The following LMX1A variants were observed in gnomAD, a reference collection of about 807,000 sequenced individuals.
The protein encoded by LMX1A is LIM homeobox transcription factor 1 alpha, also known as LIM homeobox transcription factor 1-alpha.
Under a neutral mutation model 49.1 loss-of-function variants are expected in LMX1A, and 15 were observed. The observed-to-expected ratio is 0.31, with a 90% CI of 0.20 to 0.47. The LOEUF is 0.47. Ranked by LOEUF, LMX1A falls within the 20% of genes least tolerant of loss-of-function variation. The pLI is 1.00. For missense variants in LMX1A, 372 were observed against 475.8 expected, an observed-to-expected ratio of 0.78 and a Z score of 2.03; for synonymous variants, 167 against 185.7, an observed-to-expected ratio of 0.90 and a Z score of 0.82.
At chr1:165,261,716 G>GA in intron 3 of LMX1A, among the ~76,000 whole-genome samples, 1 of 152,244 alleles carries the variant, frequency 6.6e-6, no homozygotes, top group African/African-American at 2.4e-5. Flanking sequence ...TAAAAAGGAA[G>GA]AAAATTCTAA....
chr1:165,339,534 A>G (rs1406341058), intron 3 of LMX1A, among the ~76,000 whole-genome samples: 1 of 152,186 alleles, frequency 6.6e-6, no homozygotes, highest in Admixed American at 6.5e-5. Context: ...TGGTATCTGA[A>G]GAAGAAGGAA....
At chr1:165,283,037 C>T (rs183346701) in intron 3 of LMX1A, among the ~76,000 whole-genome samples, 57 of 152,320 alleles carry the variant, frequency 3.7e-4, no homozygotes, top group Middle Eastern at 3.4e-3. Flanking sequence ...TCAGCTCCAG[C>T]GCACTGATTT....
At position 165,355,223 on chromosome 1, in the gene LMX1A, C is replaced by A. The variant is rs947276319; in HGVS notation, c.76+261G>T. 6.6e-6 allele frequency among the ~76,000 whole-genome samples: 1 copy of A among 152,094 alleles called. No individual in the cohort carries two copies. Among genetic ancestry groups the A allele is most frequent in the African/African-American group, 2.4e-5 (1 of 41,404 alleles). ...TATTTTTAATCACTTGCCACTCAGA[C>A]GCCTACGAACAAGCTCGCCCGCCCC... On this transcript the variant is annotated intron_variant, in intron 2 of 8. Coordinates refer to ENST00000342310, the MANE Select transcript of LMX1A (RefSeq NM_177398.4). The surrounding 1 kb of genome is among the most constrained non-coding windows in gnomAD (Gnocchi z 4.7).
intron 3 of LMX1A, among the ~76,000 whole-genome samples, chr1:165,279,959 G>GT (rs557377255): frequency 3.3e-5 from 5 of 151,828 alleles, no homozygotes; most frequent in South Asian, 2.1e-4. Context: ...AAATATGAGT[G>GT]TTTTTTTGGC....
chr1:165,303,612 C>CCTCCA lies in LMX1A; in HGVS notation c.263+49463_263+49464insTGGAG, dbSNP rs1451238887. ...CCCAATGACTTGTTCCTCCAGACAT[C>CCTCCA]GCCTACGCCTGCAGTCAGTTATCCT... On this transcript the variant is annotated intron_variant, in intron 3 of 8. Transcript: ENST00000342310. Among the ~76,000 whole-genome samples the CCTCCA allele has an allele frequency of 6.6e-5, 10 of 152,308 alleles. 1 individual carries two copies. In the South Asian group the frequency reaches 1.9e-3, roughly 28 times the overall value.
intron 3 of LMX1A, among the ~76,000 whole-genome samples, chr1:165,320,569 T>C (rs1191760273): frequency 6.6e-6 from 1 of 152,182 alleles, no homozygotes; most frequent in East Asian, 1.9e-4. Context: ...AGTACTCTAG[T>C]AGGGGGCTCC....
intron 3 of LMX1A, among the ~76,000 whole-genome samples, chr1:165,350,173 C>CAAAAAAAAA (rs60150264): frequency 1.2e-5 from 1 of 80,210 alleles, no homozygotes; most frequent in Non-Finnish European, 2.3e-5. Flanking sequence ...AAAGATCCAC[C>CAAAAAAAAA]AAAAAAAAAA....
chr1:165,231,071 T>G (rs893750691), intron 4 of LMX1A, among the ~76,000 whole-genome samples: 5 of 151,572 alleles, frequency 3.3e-5, no homozygotes, highest in Admixed American at 6.6e-5. Flanking sequence ...CTTGTAGAAA[T>G]AATTAGGTTT....
intron 4 of LMX1A, among the ~76,000 whole-genome samples, chr1:165,247,080 T>TTTTTTTGG (rs1652883753): frequency 7.4e-6 from 1 of 134,320 alleles, no homozygotes; most frequent in Non-Finnish European, 1.7e-5. Flanking sequence ...TTTTTTTTTT[T>TTTTTTTGG]GCAGGGTTAG....
intron 6 of LMX1A, among the ~76,000 whole-genome samples, chr1:165,209,005 T>C (rs1244259212): frequency 2.0e-5 from 3 of 152,212 alleles, no homozygotes; most frequent in African/African-American, 4.8e-5. Flanking sequence ...AGCATTAGGG[T>C]TCCACGAGAT....
intron 4 of LMX1A, among the ~76,000 whole-genome samples, chr1:165,236,022 G>A (rs892488411): frequency 6.6e-5 from 10 of 152,212 alleles, no homozygotes; most frequent in African/African-American, 2.2e-4. Flanking sequence ...GCCCGAGCCG[G>A]CCCTGGAAGC....
At chr1:165,247,035 T>TAGATC (rs1158483405) in intron 4 of LMX1A, among the ~76,000 whole-genome samples, 1 of 147,218 alleles carries the variant, frequency 6.8e-6, no homozygotes, top group Non-Finnish European at 1.5e-5. Context: ...AAATGTTACT[T>TAGATC]AGATCAGATC....
At chr1:165,260,600 G>T (rs1189268917) in intron 3 of LMX1A, among the ~76,000 whole-genome samples, 2 of 152,102 alleles carry the variant, frequency 1.3e-5, no homozygotes, top group Non-Finnish European at 2.9e-5. Flanking sequence ...CACTATATTA[G>T]GAACTAAATT....
chr1:165,310,042 A>C (rs1251589876), intron 3 of LMX1A, among the ~76,000 whole-genome samples: 1 of 152,184 alleles, frequency 6.6e-6, no homozygotes, highest in Admixed American at 6.5e-5. Flanking sequence ...TGGCAGTCAC[A>C]ATTTGAATCC....
chr1:165,216,497 T>C (rs1651647808), intron 4 of LMX1A, among the ~76,000 whole-genome samples: 1 of 152,172 alleles, frequency 6.6e-6, no homozygotes, highest in South Asian at 2.1e-4. Flanking sequence ...CCAGGGATCA[T>C]GCAGATCTCC....
intron 3 of LMX1A, among the ~76,000 whole-genome samples, chr1:165,321,865 C>T (rs1387044938): frequency 5.3e-5 from 8 of 151,874 alleles, no homozygotes; most frequent in African/African-American, 1.9e-4. Context: ...ATAACATATA[C>T]AGGTCTAGTA....
chr1:165,227,553 G>GTACATACATACGTACATACATACATACA (rs1652079255), intron 4 of LMX1A, among the ~76,000 whole-genome samples: 1 of 150,686 alleles, frequency 6.6e-6, no homozygotes, highest in Admixed American at 6.6e-5. Flanking sequence ...TAATACATAC[G>GTACATACATACGTACATACATACATACA]TACATACATA....
chr1:165,226,450 C>T (rs1360768705), intron 4 of LMX1A, among the ~76,000 whole-genome samples: 1 of 152,198 alleles, frequency 6.6e-6, no homozygotes, highest in Non-Finnish European at 1.5e-5. Flanking sequence ...GGGCTTAGCT[C>T]AGTGTCCTAG....
At chr1:165,306,988 G>T (rs757789585) in intron 3 of LMX1A, among the ~76,000 whole-genome samples, 7 of 152,226 alleles carry the variant, frequency 4.6e-5, no homozygotes, top group African/African-American at 1.7e-4. Flanking sequence ...ATGTCCTCTC[G>T]GGCAGAAGCC....
Sources: allele counts gnomAD v4.1 joint callset (sites outside exome capture counted in the v4.1 genomes callset), GRCh38; gene constraint gnomAD v4.1.1; non-coding constraint Gnocchi (gnomAD v3.1); transcripts MANE v1.5; gene names NCBI Gene and HGNC (gene_info 2026-07-23, HGNC 2026-07-21).